Variants in PARD3B observed in about 807,000 individuals in gnomAD.
The protein encoded by PARD3B is partitioning defective 3 homolog B.
In PARD3B, 103 loss-of-function variants were observed where a neutral mutation model predicts 130.2. That is an observed-to-expected ratio of 0.79 (90% CI 0.67 to 0.93). The LOEUF (loss-of-function observed/expected upper bound fraction) is 0.93. PARD3B is among the 40% of genes least tolerant of loss of function. The pLI is 0.00. For missense variants in PARD3B, 1,609 were observed against 1,499.2 expected (o/e 1.07, Z -1.21); for synonymous variants, 583 against 553.2 (o/e 1.05, Z -0.76).
intron 18 of PARD3B, among the ~76,000 whole-genome samples, chr2:205,357,791 C>T (rs1296181895): frequency 2.0e-5 from 3 of 152,188 alleles, no homozygotes; most frequent in Non-Finnish European, 4.4e-5. Context: ...CTTAATGTTT[C>T]TCTTTTGCCA....
chr2:204,715,785 G>T (rs188885599), intron 2 of PARD3B, among the ~76,000 whole-genome samples: 105 of 152,142 alleles, frequency 6.9e-4, no homozygotes, highest in Middle Eastern at 3.4e-3. Context: ...TTATACTCCC[G>T]TACATCTTCT....
intron 10 of PARD3B, among the ~76,000 whole-genome samples, chr2:205,150,674 T>C (rs1383940516): frequency 6.6e-6 from 1 of 152,070 alleles, no homozygotes; most frequent in Non-Finnish European, 1.5e-5. Flanking sequence ...TGTACTTGGG[T>C]GGAGAATGTA....
chr2:205,047,587 C>CA lies in PARD3B; in HGVS notation c.402dup (p.Leu135ThrfsTer8), dbSNP rs1559385888. ...CTCTCACTTTGTCTTCCAGGCACTC[C>CA]ACTGCTGGTGAGGAGAAGCAGTGAC... On this transcript the variant is annotated frameshift_variant, in exon 4 of 23. Transcript: ENST00000406610. LOFTEE classifies it high-confidence loss of function. 3.2e-6 allele frequency: 5 copies of CA among 1,548,796 alleles called. No homozygotes were observed. The highest frequency in any genetic ancestry group is 4.4e-6 in the Non-Finnish European group (5 of 1,145,842).
Position 205,591,265 on chromosome 2 carries a change from T to C in PARD3B, c.3261-24191T>C, listed in dbSNP as rs2054377158. On this transcript the variant is annotated intron_variant, in intron 22 of 22. Transcript: ENST00000406610. This position sits in a 1 kb window ranked among gnomAD's most constrained non-coding sequence, Gnocchi z 4.2. ...AAGTTTTTTCAATGAACATAGTCCATACATTTTGGGAAAGTGGTAATAACT... is the reference window on the plus strand; with the variant it reads ...AAGTTTTTTCAATGAACATAGTCCACACATTTTGGGAAAGTGGTAATAACT... Among the ~76,000 whole-genome samples, 1 of 152,208 alleles carries C rather than the reference T, an allele frequency of 6.6e-6. No individual in the cohort carries two copies. The highest frequency in any genetic ancestry group is 2.4e-5 in the African/African-American group (1 of 41,448).
chr2:204,598,870 C>G (rs2033399769), intron 1 of PARD3B, among the ~76,000 whole-genome samples: 1 of 151,770 alleles, frequency 6.6e-6, no homozygotes, highest in Non-Finnish European at 1.5e-5. Flanking sequence ...TTCTAGAGAA[C>G]TTGGTAAGAG....
At chr2:205,579,685 G>C (rs901800225) in intron 22 of PARD3B, among the ~76,000 whole-genome samples, 1 of 152,202 alleles carries the variant, frequency 6.6e-6, no homozygotes, top group Non-Finnish European at 1.5e-5. Context: ...CCTTTGTTGA[G>C]GGGGGACAGT....
chr2:205,188,449 A>G (rs1481280319), intron 14 of PARD3B, among the ~76,000 whole-genome samples: 2 of 152,204 alleles, frequency 1.3e-5, no homozygotes, highest in Non-Finnish European at 2.9e-5. Context: ...GAGCAGTTTC[A>G]GTGATGGAGG....
chr2:205,342,421 G>A lies in PARD3B; in HGVS notation c.2630+40720G>A, dbSNP rs74718934. Among the ~76,000 whole-genome samples the A allele has an allele frequency of 1.5e-3, 225 of 152,274 alleles. 1 individual carries two copies. The East Asian group carries it at 0.024, about 16-fold the overall frequency. Reference sequence around the variant, plus strand: ...TATCTCAGAGCAACCAGACCAACATGAAGTATGTTGAAGTTGACATAAAAT... The same window carrying A: ...TATCTCAGAGCAACCAGACCAACATAAAGTATGTTGAAGTTGACATAAAAT... On this transcript the variant is annotated intron_variant, in intron 18 of 22. Coordinates refer to ENST00000406610, the MANE Select transcript of PARD3B (RefSeq NM_001302769.2).
At chr2:205,353,476 T>C (rs555475518) in intron 18 of PARD3B, among the ~76,000 whole-genome samples, 3 of 152,198 alleles carry the variant, frequency 2.0e-5, no homozygotes, top group Non-Finnish European at 4.4e-5. Flanking sequence ...TGAAATATAC[T>C]GGTATACTCA....
At chr2:205,534,680 G>C (rs1275525131) in intron 21 of PARD3B, among the ~76,000 whole-genome samples, 4 of 152,180 alleles carry the variant, frequency 2.6e-5, no homozygotes, top group Non-Finnish European at 4.4e-5. Context: ...TGTTGGCCAA[G>C]CTGGTCTTGA....
chr2:205,357,226 C>A (rs760966039), intron 18 of PARD3B, among the ~76,000 whole-genome samples: 1 of 152,158 alleles, frequency 6.6e-6, no homozygotes, highest in Non-Finnish European at 1.5e-5. Context: ...TCATAATTAG[C>A]CTTAAATAGT....
Position 205,018,722 on chromosome 2 carries a change from CAAAAAAAAAAAAAAA to C in PARD3B, c.395-28845_395-28831del, listed in dbSNP as rs5837948. ...TACAAATTTGATTTAGCAGTATAAG[CAAAAAAAAAAAAAAA>C]AAAAAAAAAAAAAGCACGCTGATTA... On this transcript the variant is annotated intron_variant, in intron 3 of 22. Transcript: ENST00000406610. 4.6e-4 allele frequency among the ~76,000 whole-genome samples: 20 copies of C among 43,160 alleles called. 1 individual carries two copies. The highest frequency in any genetic ancestry group is 1.6e-3 in the African/African-American group (17 of 10,310). 28.3% of individuals were successfully genotyped at this position (43,160 alleles called of 152,430 possible).
intron 2 of PARD3B, among the ~76,000 whole-genome samples, chr2:204,730,510 T>G (rs1018358826): frequency 2.0e-5 from 3 of 151,146 alleles, no homozygotes; most frequent in Non-Finnish European, 2.9e-5. Flanking sequence ...GGAAGAGTAC[T>G]TAGCTTTGTT....
intron 1 of PARD3B, 53 bp downstream of exon 1, chr2:204,546,172 G>T (rs1392215427): frequency 6.5e-7 from 1 of 1,546,928 alleles, no homozygotes; most frequent in South Asian, 1.2e-5. Context: ...CACCTGCCAG[G>T]TGCGACCCGG....
chr2:204,976,437 G>A lies in PARD3B; in HGVS notation c.394+11114G>A, dbSNP rs557564324. Among the ~76,000 whole-genome samples the A allele has an allele frequency of 3.3e-5, 5 of 152,166 alleles. No homozygotes were observed. In the South Asian group the frequency reaches 1.0e-3, roughly 32 times the overall value. On this transcript the variant is annotated intron_variant, in intron 3 of 22. Transcript: ENST00000406610. Reference sequence around the variant, plus strand: ...TAGTGACCTAATTGGATAGTCGCAAGCAGTGAATGAATTCATACATATATG... The same window carrying A: ...TAGTGACCTAATTGGATAGTCGCAAACAGTGAATGAATTCATACATATATG...
chr2:204,775,649 T>A (rs761428524), intron 2 of PARD3B, among the ~76,000 whole-genome samples: 1 of 152,170 alleles, frequency 6.6e-6, no homozygotes, highest in Non-Finnish European at 1.5e-5. Flanking sequence ...AGTGCTGCCT[T>A]CTGAGTCTAC....
rs1009595944 is a variant in PARD3B at position 205,046,773 on chromosome 2, C to G, written c.395-808C>G. Among the ~76,000 whole-genome samples the G allele has an allele frequency of 6.6e-5, 10 of 152,142 alleles. No individual in the cohort carries two copies. In the East Asian group the frequency reaches 1.9e-3, roughly 29 times the overall value. On this transcript the variant is annotated intron_variant, in intron 3 of 22. Transcript: ENST00000406610. ...TTTTTATATGAGAGTGATTTTAAAA[C>G]CACAAGCAGATTTTTTTTGAGATGT...
At position 205,057,563 on chromosome 2, in the gene PARD3B, ATATATG is replaced by A. The variant is rs1177327849; in HGVS notation, c.504+9881_504+9886del. ...TGTATATGTGTATATGTATATATAC[ATATATG>A]TATATGTGTATGTGTATACGTATAT... On this transcript the variant is annotated intron_variant, in intron 4 of 22. Coordinates refer to ENST00000406610, the MANE Select transcript of PARD3B (RefSeq NM_001302769.2). Among the ~76,000 whole-genome samples, 25 of 144,340 alleles carry A rather than the reference ATATATG, an allele frequency of 1.7e-4. 2 individuals carry two copies. Among genetic ancestry groups the A allele is most frequent in the Admixed American group, 2.9e-4 (4 of 13,816 alleles). 94.7% of individuals were successfully genotyped at this position (144,340 alleles called of 152,430 possible).
intron 16 of PARD3B, among the ~76,000 whole-genome samples, chr2:205,298,077 C>T (rs1309471050): frequency 6.6e-6 from 1 of 152,088 alleles, no homozygotes; most frequent in Admixed American, 6.6e-5. Flanking sequence ...TTTCATGTTC[C>T]CTGGAATTTA....
Sources: gnomAD v4.1 joint callset for allele counts (sites outside exome capture counted in the v4.1 genomes callset) on GRCh38, gnomAD v4.1.1 for gene constraint, Gnocchi (gnomAD v3.1) non-coding constraint, MANE v1.5 for transcripts, NCBI Gene and HGNC (gene_info 2026-07-23, HGNC 2026-07-21) for gene names.